The following TMEM39A variants were observed in gnomAD, a reference collection of about 807,000 sequenced individuals.
TMEM39A encodes suppressor of SQST-1 aggregates in rpl-43 mutants.
TMEM39A carries 19 observed loss-of-function variants against 51.9 expected under a neutral mutation model. That is an observed-to-expected ratio of 0.37 (90% CI 0.26 to 0.54). The LOEUF is 0.54. TMEM39A is among the 20% of genes least tolerant of loss of function. TMEM39A has a pLI of 0.88. For synonymous variants in TMEM39A, 197 were observed against 220.2 expected, an observed-to-expected ratio of 0.89 and a Z score of 0.93; for missense variants, 433 against 590.5, an observed-to-expected ratio of 0.73 and a Z score of 2.76.
rs530519773 is a variant in TMEM39A, at chr3:119,432,052, G to A, written c.1396C>T (p.Leu466Phe). ...FCNYYVLFKL[L>F]RDRIVLGRAY... ...CTGCCTAATACTATTCTGTCCCGGA[G>A]AAGTTTAAATAAAACATAGTAGTTG... The change falls in exon 9 of 9, where the codon CTC becomes TTC. Residue 466 changes from leucine to phenylalanine, a missense_variant. Leu to Phe is a conservative substitution (Grantham distance 22). Around this residue, in one of 3 missense-constraint regions of TMEM39A, gnomAD observed 223 missense variants for 328.1 expected, o/e 0.68. Coordinates refer to ENST00000319172, the MANE Select transcript of TMEM39A (RefSeq NM_018266.3). 59 of 1,613,058 alleles carry A rather than the reference G, an allele frequency of 3.7e-5. No individual in the cohort carries two copies. The highest frequency in any genetic ancestry group is 4.8e-5 in the Non-Finnish European group (57 of 1,179,442).
rs181727334 is a variant in TMEM39A, at chr3:119,442,078, C to T, written c.576-3975G>A. 7.8e-3 allele frequency among the ~76,000 whole-genome samples: 1,191 copies of T among 152,294 alleles called. 20 individuals carry two copies. Among genetic ancestry groups the T allele is most frequent in the South Asian group, 0.072 (346 of 4,826 alleles). On this transcript the variant is annotated intron_variant, in intron 5 of 8. Transcript: ENST00000319172. ...ATGTACGGCTGGGTGCGGTGGCTCA[C>T]GCCTGTAATCCCAGCACTTTGGGAG...
At chr3:119,432,576 C>T (rs1199125269) in intron 8 of TMEM39A, among the ~76,000 whole-genome samples, 1 of 151,916 alleles carries the variant, frequency 6.6e-6, no homozygotes, top group African/African-American at 2.4e-5. Context: ...AAGGACCAAA[C>T]AGGAAATATT....
At chr3:119,437,523 T>TAAAAAAAAAA (rs543556839) in intron 6 of TMEM39A, among the ~76,000 whole-genome samples, 2 of 96,590 alleles carry the variant, frequency 2.1e-5, no homozygotes, top group Middle Eastern at 4.6e-3. Flanking sequence ...TAAAAATACT[T>TAAAAAAAAAA]AAAAAAAAAA....
chr3:119,451,945 A>C (rs1167248319), intron 4 of TMEM39A, among the ~76,000 whole-genome samples: 1 of 151,932 alleles, frequency 6.6e-6, no homozygotes, highest in East Asian at 1.9e-4. Flanking sequence ...CATTCTGCTC[A>C]CTAAACTTAG....
intron 7 of TMEM39A, 32 bp from the exon 8 acceptor site, chr3:119,434,914 T>C (rs1300843595): frequency 2.5e-6 from 4 of 1,607,676 alleles, no homozygotes; most frequent in East Asian, 4.5e-5. Context: ...TGTTAGCATA[T>C]TGGCAATTAC....
chr3:119,451,109 A>C, intron 4 of TMEM39A: 1 of 424,022 alleles, frequency 2.4e-6, no homozygotes, highest in Non-Finnish European at 3.5e-6. Context: ...TTCACAATAT[A>C]ACAAAAAGTG....
chr3:119,430,205 A>T lies in TMEM39A; in HGVS notation c.*1776T>A, dbSNP rs1017660976. On this transcript the variant is annotated 3_prime_UTR_variant, in exon 9 of 9. Transcript: ENST00000319172. ...TTTCTTGCTATTCTTCCAATATACC[A>T]ACTTGTCCCCACCTCAGGGCACTGC... The T allele has an allele frequency of 6.6e-6, 1 of 152,076 alleles. No individual in the cohort carries two copies. The highest frequency in any genetic ancestry group is 2.4e-5 in the African/African-American group (1 of 41,418). 9.4% of individuals were successfully genotyped at this position (152,076 alleles called of 1,614,324 possible). A position where few individuals can be genotyped will look rare whatever the true frequency, so the allele number is the denominator to read the frequency against.
At chr3:119,456,971 C>A (rs1259903986) in intron 3 of TMEM39A, among the ~76,000 whole-genome samples, 1 of 143,040 alleles carries the variant, frequency 7.0e-6, no homozygotes, top group African/African-American at 2.5e-5. Context: ...TATCATGGTA[C>A]TCTTTTTTTT....
At chr3:119,448,145 A>G (rs191984394) in intron 4 of TMEM39A, among the ~76,000 whole-genome samples, 190 of 152,342 alleles carry the variant, frequency 1.2e-3, no homozygotes, top group African/African-American at 4.4e-3. Flanking sequence ...TTTTGCAAAC[A>G]TGGAAATAAT....
At chr3:119,454,960 GC>G (rs1302751216) in intron 3 of TMEM39A, among the ~76,000 whole-genome samples, 1 of 152,052 alleles carries the variant, frequency 6.6e-6, no homozygotes, top group African/African-American at 2.4e-5. Context: ...ACTACTTCTA[GC>G]TTTTATGTTT....
At chr3:119,459,802 C>A (rs1274961999) in intron 2 of TMEM39A, among the ~76,000 whole-genome samples, 2 of 152,136 alleles carry the variant, frequency 1.3e-5, no homozygotes, top group African/African-American at 2.4e-5. Flanking sequence ...GTCTGTCTTG[C>A]AGAATCAAAT....
chr3:119,450,459 A>C (rs1369711551), intron 4 of TMEM39A, among the ~76,000 whole-genome samples: 1 of 152,196 alleles, frequency 6.6e-6, no homozygotes, highest in African/African-American at 2.4e-5. Context: ...GATGAACATT[A>C]AGTTATAGAA....
At chr3:119,437,566 T>A (rs919112844) in intron 6 of TMEM39A, among the ~76,000 whole-genome samples, 189 bp downstream of exon 6, 1 of 147,016 alleles carries the variant, frequency 6.8e-6, no homozygotes, top group Non-Finnish European at 1.5e-5. Flanking sequence ...CCACCACGGG[T>A]GCATCACATA....
In TMEM39A at chr3:119,436,796, C is replaced by CTG; in HGVS notation, c.1105_1106dup (p.Gln369HisfsTer51). The stretch of plus-strand genomic sequence containing the variant: ...TTACCCTCTAGCTTACTCACATGTG[C>CTG]TGTGGAGCATTGCTGTAGGACCCAT... On this transcript the variant is annotated frameshift_variant, in exon 7 of 9. Coordinates refer to ENST00000319172, the MANE Select transcript of TMEM39A (RefSeq NM_018266.3). LOFTEE classifies it high-confidence loss of function. 6.2e-7 allele frequency: 1 copy of CTG among 1,611,928 alleles called. No homozygotes were observed. Among genetic ancestry groups the CTG allele is most frequent in the Non-Finnish European group, 8.5e-7 (1 of 1,178,672 alleles).
intron 2 of TMEM39A, among the ~76,000 whole-genome samples, chr3:119,459,018 TAG>T (rs1424184193): frequency 1.3e-5 from 2 of 152,208 alleles, no homozygotes; most frequent in Non-Finnish European, 2.9e-5. Context: ...GAAAGCTCAT[TAG>T]AGACTTGATG....
rs556840930 is a variant in TMEM39A at position 119,438,792 on chromosome 3, C to T, written c.576-689G>A. On this transcript the variant is annotated intron_variant, in intron 5 of 8. Coordinates refer to ENST00000319172, the MANE Select transcript of TMEM39A (RefSeq NM_018266.3). Reference sequence around the variant, plus strand: ...CTTAGTAGGGGGCCCTCCTGCCTCCCTACTGTATCACCCATCCCACTCCCA... The same window carrying T: ...CTTAGTAGGGGGCCCTCCTGCCTCCTTACTGTATCACCCATCCCACTCCCA... 3.9e-5 allele frequency among the ~76,000 whole-genome samples: 6 copies of T among 152,242 alleles called. No homozygotes were observed. In the East Asian group the frequency reaches 1.2e-3, roughly 29 times the overall value.
chr3:119,438,480 T>A (rs1295370107), intron 5 of TMEM39A, among the ~76,000 whole-genome samples: 1 of 152,226 alleles, frequency 6.6e-6, no homozygotes, highest in Non-Finnish European at 1.5e-5. Context: ...TACCATGTGT[T>A]TTGTATCCTG....
At chr3:119,450,068 C>T (rs1026300541) in intron 4 of TMEM39A, among the ~76,000 whole-genome samples, 1 of 152,206 alleles carries the variant, frequency 6.6e-6, no homozygotes, top group African/African-American at 2.4e-5. Context: ...TAGGTTTTAT[C>T]CATCTAATTT....
At chr3:119,457,261 C>A (rs571797216) in intron 3 of TMEM39A, among the ~76,000 whole-genome samples, 1 of 152,286 alleles carries the variant, frequency 6.6e-6, no homozygotes, top group East Asian at 1.9e-4. Flanking sequence ...TGAGCCACCG[C>A]GCCCGGCCTA....
Sources: allele counts gnomAD v4.1 joint callset (sites outside exome capture counted in the v4.1 genomes callset), GRCh38; gene constraint gnomAD v4.1.1; regional missense constraint gnomAD v4.1.1; transcripts MANE v1.5; gene names NCBI Gene and HGNC (gene_info 2026-07-23, HGNC 2026-07-21).